SACS: variants seen among roughly 807,000 people sequenced by gnomAD.
SACS encodes sacsin.
In SACS, 197 loss-of-function variants were observed where a neutral mutation model predicts 348.0. The ratio of observed to expected loss-of-function variants is 0.57; its 90% confidence interval spans 0.50 to 0.64. SACS has a LOEUF of 0.64. SACS is among the 30% of genes least tolerant of loss of function. SACS has a pLI of 0.00. For missense variants in SACS, 4,999 were observed against 5,360.8 expected (o/e 0.93, Z 2.11); for synonymous variants, 1,985 against 1,910.6 (o/e 1.04, Z -1.02).
chr13:23,414,869 G>A (rs1477850582), intron 1 of SACS, among the ~76,000 whole-genome samples: 1 of 152,086 alleles, frequency 6.6e-6, no homozygotes, highest in East Asian at 1.9e-4. Context: ...TGGCCAGTCC[G>A]ATAGTCTCAT....
chr13:23,358,105 A>G (rs571084694), intron 7 of SACS, among the ~76,000 whole-genome samples: 1 of 152,288 alleles, frequency 6.6e-6, no homozygotes, highest in South Asian at 2.1e-4. Flanking sequence ...GATCATGATG[A>G]TGTTAACTTT....
intron 2 of SACS, among the ~76,000 whole-genome samples, chr13:23,391,567 A>C (rs1463342865): frequency 1.8e-5 from 2 of 110,156 alleles, no homozygotes; most frequent in African/African-American, 5.9e-5. Flanking sequence ...CTACATCGGG[A>C]CTCTGCGCCC....
chr13:23,375,186 T>C lies in SACS; in HGVS notation c.104A>G (p.Lys35Arg). The C allele has an allele frequency of 6.6e-7, 1 of 1,506,222 alleles. No individual in the cohort carries two copies. Among genetic ancestry groups the C allele is most frequent in the Non-Finnish European group, 8.9e-7 (1 of 1,127,652 alleles). The allele number at this position is 1,506,222 out of a possible 1,614,324, so 93.3% of individuals were successfully genotyped here. A position where few individuals can be genotyped will look rare whatever the true frequency, so the allele number is the denominator to read the frequency against. Residue 35 changes from lysine (K) to arginine (R), a missense_variant, in exon 3 of 10, where the codon AAG (lysine) becomes AGG (arginine). This residue lies in a region of SACS where 3,156 missense variants were observed against 3,380.1 expected (regional missense o/e 0.93). Coordinates refer to ENST00000382292, the MANE Select transcript of SACS (RefSeq NM_014363.6). ...GCCAGTCTCCGCGAAGATACGTTCC[T>C]TCACATCGCGCACGGTCCAGGACGC... is the stretch of plus-strand genomic sequence containing the variant. ...ALASWTVRDV[K>R]ERIFAETGFP...
chr13:23,427,117 T>C (rs1392102244), intron 1 of SACS: 2 of 152,220 alleles, frequency 1.3e-5, no homozygotes, highest in Admixed American at 1.3e-4. Flanking sequence ...CAGCTTGCCT[T>C]ATCCATGAAC....
intron 2 of SACS, among the ~76,000 whole-genome samples, chr13:23,406,620 G>C (rs921315752): frequency 2.6e-5 from 4 of 151,894 alleles, no homozygotes; most frequent in African/African-American, 9.7e-5. Flanking sequence ...CCATGAATTC[G>C]TATCATGAAT....
At chr13:23,368,637 C>T (rs1030757648) in intron 4 of SACS, 150 bp from the exon 5 acceptor site, 9 of 644,834 alleles carry the variant, frequency 1.4e-5, no homozygotes, top group African/African-American at 1.8e-5. Context: ...ATCTACCTGA[C>T]GAAGCAATTC....
chr13:23,335,357 T>A lies in SACS; in HGVS notation c.8519A>T (p.His2840Leu). The A allele has an allele frequency of 6.2e-7, 1 of 1,613,658 alleles. No homozygotes were observed. The highest frequency in any genetic ancestry group is 8.5e-7 in the Non-Finnish European group (1 of 1,179,626). Residue 2840 changes from histidine to leucine, a missense_variant, in exon 10 of 10, where the codon CAC becomes CTC. Physicochemically the swap from His to Leu is moderately conservative, Grantham distance 99. Transcript: ENST00000382292. This position sits in a 1 kb window ranked among gnomAD's most constrained non-coding sequence, Gnocchi z 4.7. ...GAAAAGAGTAATATCTTGGTTCTTG[T>A]GAGCTGATATGACACTTTTAGATAC... ...EKVSKSVISA[H>L]KNQDITLFPR...
chr13:23,408,694 A>C (rs1873337982), intron 2 of SACS, among the ~76,000 whole-genome samples: 1 of 152,144 alleles, frequency 6.6e-6, no homozygotes, highest in African/African-American at 2.4e-5. Context: ...GGCCTGGCAC[A>C]GTGGCTCACG....
In SACS at chr13:23,411,248, C is replaced by A; in HGVS notation, c.-9G>T. ...TTCTCCTTGGTCTCCATGATCACTT[C>A]TCCTGGGATATTTGTTTGTGAAAAC... On this transcript the variant is annotated 5_prime_UTR_variant, in exon 2 of 10. Transcript: ENST00000382292. The A allele has an allele frequency of 6.2e-7, 1 of 1,606,820 alleles. No individual in the cohort carries two copies. The highest frequency in any genetic ancestry group is 2.2e-5 in the East Asian group (1 of 44,812).
At chr13:23,365,136 T>C in intron 6 of SACS, 30 bp downstream of exon 6, 1 of 1,440,684 alleles carries the variant, frequency 6.9e-7, no homozygotes, top group Non-Finnish European at 9.7e-7. Flanking sequence ...GTGCATACAA[T>C]AAAATTTGTT....
intron 9 of SACS, among the ~76,000 whole-genome samples, chr13:23,342,491 C>T (rs541493741): frequency 1.1e-4 from 16 of 152,164 alleles, no homozygotes; most frequent in Admixed American, 2.0e-4. Flanking sequence ...GCATTTCGGA[C>T]TCTTTTGGAC....
chr13:23,331,594 T>C lies in SACS; in HGVS notation c.12282A>G (p.Lys4094=), dbSNP rs1405259528. 4.3e-6 allele frequency: 7 copies of C among 1,614,032 alleles called. No individual in the cohort carries two copies. Among genetic ancestry groups the C allele is most frequent in the African/African-American group, 1.3e-5 (1 of 75,050 alleles). ...ILLYIQHSDS[K]DINFLLALAM... Reference sequence around the variant, plus strand: ...CCAATGCTAACAGGAAATTAATGTCTTTACTGTCTGAATGTTGAATGTAGA... The same window carrying C: ...CCAATGCTAACAGGAAATTAATGTCCTTACTGTCTGAATGTTGAATGTAGA... The change falls in exon 10 of 10, where the codon AAA becomes AAG. Residue 4094 remains lysine, a synonymous_variant. Coordinates refer to ENST00000382292, the MANE Select transcript of SACS (RefSeq NM_014363.6).
intron 2 of SACS, among the ~76,000 whole-genome samples, chr13:23,408,007 G>C (rs1381728652): frequency 1.3e-5 from 2 of 152,164 alleles, no homozygotes; most frequent in Admixed American, 6.5e-5. Context: ...AGCTGTCTGT[G>C]CTGTATTAGG....
At chr13:23,358,588 G>A in intron 6 of SACS, 107 bp from the exon 7 acceptor site, 2 of 1,216,190 alleles carry the variant, frequency 1.6e-6, no homozygotes, top group Non-Finnish European at 2.4e-6. Flanking sequence ...GGAAAATAGA[G>A]AGGAGTGAAT....
Position 23,337,240 on chromosome 13 carries a change from T to G in SACS, c.6636A>C (p.Thr2212=), listed in dbSNP as rs899076462. ...TTGTCAGAAATGGAAGGAAGCGGAT[T>G]GTTTGATATTTTGCAGCAAAATCCT... The part of the protein sequence containing the change: ...RAKDFAAKYQ[T]IRFLPFLTKP... Residue 2212 remains threonine (T), a synonymous_variant, in exon 10 of 10, where the codon ACA becomes ACC. Transcript: ENST00000382292. 2 of 1,613,962 alleles carry G rather than the reference T, an allele frequency of 1.2e-6. No homozygotes were observed. Among genetic ancestry groups the G allele is most frequent in the South Asian group, 1.1e-5 (1 of 91,068 alleles).
In SACS at chr13:23,334,756, A is replaced by AT. The variant is rs1435126137; in HGVS notation, c.9119dup (p.Asn3040LysfsTer5). 4.3e-6 allele frequency: 7 copies of AT among 1,613,776 alleles called. No homozygotes were observed. In the South Asian group the frequency reaches 7.7e-5, roughly 18 times the overall value. ...TGCGTGTGGTGATATTATAATCTGC[A>AT]TTTTTAAGGTGTTGTAATTCATCCT... is the stretch of plus-strand genomic sequence containing the variant. On this transcript the variant is annotated frameshift_variant, in exon 10 of 10. Transcript: ENST00000382292. LOFTEE classifies it high-confidence loss of function.
At position 23,411,369 on chromosome 13, in the gene SACS, A is replaced by C; in HGVS notation, c.-130T>G. On this transcript the variant is annotated 5_prime_UTR_variant, in exon 2 of 10. Transcript: ENST00000382292. ...CAGCTCTTCCTGCCAGGTGGAAAAA[A>C]AGCCTGTTTTTCCCTTCAGTGTCCA... The C allele has an allele frequency of 1.2e-6, 1 of 854,494 alleles. No individual in the cohort carries two copies. The highest frequency in any genetic ancestry group is 2.0e-6 in the Non-Finnish European group (1 of 508,628). The allele number at this position is 854,494 out of a possible 1,614,324, so 52.9% of individuals were successfully genotyped here. A position where few individuals can be genotyped will look rare whatever the true frequency, so the allele number is the denominator to read the frequency against.
chr13:23,399,487 T>C (rs1872863276), intron 2 of SACS, among the ~76,000 whole-genome samples: 1 of 152,136 alleles, frequency 6.6e-6, no homozygotes, highest in African/African-American at 2.4e-5. Flanking sequence ...AAACATGTCT[T>C]GTACTGTAAT....
chr13:23,338,707 T>C lies in SACS; in HGVS notation c.5169A>G (p.Ala1723=), dbSNP rs200699984. 6.5e-5 allele frequency: 105 copies of C among 1,611,682 alleles called. No individual in the cohort carries two copies. In the East Asian group the frequency reaches 2.3e-3, roughly 36 times the overall value. Residue 1723 remains alanine, a synonymous_variant, in exon 10 of 10, where the codon GCA becomes GCG. Transcript: ENST00000382292. The stretch of plus-strand genomic sequence containing the variant: ...AAACACTTAAGACAGGTGTGTTCAA[T>C]GCTTTGGAAGAGCAGGATTTTTTTT... ...IIKKKSCSSK[A]LNTPVLSVLK... is the part of the protein sequence containing the mutation.
Sources: gnomAD v4.1 joint callset for allele counts (sites outside exome capture counted in the v4.1 genomes callset) on GRCh38, gnomAD v4.1.1 for gene constraint, gnomAD v4.1.1 regional missense constraint, Gnocchi (gnomAD v3.1) non-coding constraint, MANE v1.5 for transcripts, NCBI Gene and HGNC (gene_info 2026-07-23, HGNC 2026-07-21) for gene names.